BBOX1: variants seen among roughly 807,000 people sequenced by gnomAD.
BBOX1 encodes gamma-butyrobetaine hydroxylase 1, also known as gamma-butyrobetaine dioxygenase.
Under a neutral mutation model 41.6 loss-of-function variants are expected in BBOX1, and 35 were observed. The observed-to-expected ratio is 0.84, with a 90% CI of 0.64 to 1.11. The LOEUF (loss-of-function observed/expected upper bound fraction) is 1.11. Ranked by LOEUF, BBOX1 falls within the 50% of genes most tolerant of loss-of-function variation. The pLI, the probability that BBOX1 is intolerant of heterozygous loss-of-function variation, is 0.00. For synonymous variants in BBOX1, 163 were observed against 154.7 expected, an observed-to-expected ratio of 1.05 and a Z score of -0.40; for missense variants, 458 against 460.6, an observed-to-expected ratio of 0.99 and a Z score of 0.05.
At chr11:27,070,579 T>C (rs1857412703) in intron 4 of BBOX1, among the ~76,000 whole-genome samples, 1 of 152,172 alleles carries the variant, frequency 6.6e-6, no homozygotes, top group African/African-American at 2.4e-5. Flanking sequence ...TAAAAATAGC[T>C]ACTTCTGCTC....
intron 5 of BBOX1, 40 bp from the exon 6 acceptor site, chr11:27,115,412 G>C (rs1265230676): frequency 5.2e-6 from 8 of 1,529,180 alleles, no homozygotes; most frequent in African/African-American, 1.4e-5. Context: ...CTCTGGCTTA[G>C]TGACAACCTG....
intron 6 of BBOX1, 61 bp from the exon 7 acceptor site, chr11:27,119,587 TA>T (rs1187496379): frequency 1.4e-5 from 13 of 930,120 alleles, no homozygotes; most frequent in African/African-American, 1.7e-5. Context: ...TATTGAAGAT[TA>T]ATTCTAATAA....
intron 5 of BBOX1, among the ~76,000 whole-genome samples, chr11:27,112,559 G>T (rs990915473): frequency 8.6e-5 from 13 of 151,948 alleles, no homozygotes; most frequent in Non-Finnish European, 1.8e-4. Context: ...ATGGGGAAAG[G>T]ACTCCTTATT....
intron 2 of BBOX1, among the ~76,000 whole-genome samples, chr11:27,054,041 A>G (rs1326131155): frequency 6.6e-6 from 1 of 152,170 alleles, no homozygotes. Flanking sequence ...GAAGTATTTT[A>G]CTTTCATGTT....
At chr11:27,125,964 A>G in intron 8 of BBOX1, 144 bp downstream of exon 8, 1 of 811,960 alleles carries the variant, frequency 1.2e-6, no homozygotes, top group African/African-American at 1.7e-5. Flanking sequence ...TGACTTGCTT[A>G]TGTAGTGGAC....
intron 4 of BBOX1, among the ~76,000 whole-genome samples, chr11:27,088,811 C>A (rs1419455731): frequency 6.6e-6 from 1 of 152,000 alleles, no homozygotes; most frequent in Non-Finnish European, 1.5e-5. Context: ...CTGTTCCCTT[C>A]TCTATAACAC....
At chr11:27,116,755 G>A (rs1221519634) in intron 6 of BBOX1, among the ~76,000 whole-genome samples, 1 of 151,960 alleles carries the variant, frequency 6.6e-6, no homozygotes, top group African/African-American at 2.4e-5. Context: ...CTCAAGGCCT[G>A]GGCTAGTCAC....
At chr11:27,111,721 T>A (rs1859070774) in intron 5 of BBOX1, among the ~76,000 whole-genome samples, 1 of 152,040 alleles carries the variant, frequency 6.6e-6, no homozygotes, top group Non-Finnish European at 1.5e-5. Flanking sequence ...TTTGGAATGA[T>A]AGGAAACAAA....
At chr11:27,117,531 C>A (rs2134099740) in intron 6 of BBOX1, among the ~76,000 whole-genome samples, 1 of 151,940 alleles carries the variant, frequency 6.6e-6, no homozygotes, top group African/African-American at 2.4e-5. Flanking sequence ...GAGTTAAGAG[C>A]CAAATTAATC....
intron 4 of BBOX1, among the ~76,000 whole-genome samples, chr11:27,081,099 T>G (rs538541856): frequency 3.0e-4 from 45 of 152,288 alleles, no homozygotes; most frequent in African/African-American, 1.1e-3. Flanking sequence ...CCTTCAAACC[T>G]TGAGTTGTTA....
chr11:27,077,343 C>G (rs1857667260), intron 4 of BBOX1, among the ~76,000 whole-genome samples: 2 of 152,082 alleles, frequency 1.3e-5, no homozygotes, highest in Admixed American at 6.5e-5. Context: ...AAGGCCTTTC[C>G]CCATCGGCTG....
intron 4 of BBOX1, among the ~76,000 whole-genome samples, chr11:27,073,319 C>A (rs895864790): frequency 3.3e-5 from 5 of 152,206 alleles, no homozygotes; most frequent in Admixed American, 2.6e-4. Context: ...AAATACTCAT[C>A]ATCACTGGCC....
In BBOX1 at chr11:27,082,246, T is replaced by C. The variant is rs118175135; in HGVS notation, c.335-10922T>C. On this transcript the variant is annotated intron_variant, in intron 4 of 8. Coordinates refer to ENST00000263182, the MANE Select transcript of BBOX1 (RefSeq NM_003986.3). ...AAATATCCAAACTATATCTCTATTC[T>C]GCAATTCTGGAGCACACAGAATTAG... Among the ~76,000 whole-genome samples, 1,380 of 152,230 alleles carry C rather than the reference T, an allele frequency of 9.1e-3. 12 individuals carry two copies. The highest frequency in any genetic ancestry group is 0.015 in the Non-Finnish European group (1,003 of 68,020).
intron 7 of BBOX1, among the ~76,000 whole-genome samples, chr11:27,123,936 ACTT>A (rs1330536289): frequency 6.6e-6 from 1 of 152,122 alleles, no homozygotes. Context: ...CCTTCCTTTT[ACTT>A]CTTTCCCAGT....
At chr11:27,104,348 G>A (rs533970828) in intron 5 of BBOX1, among the ~76,000 whole-genome samples, 5 of 152,200 alleles carry the variant, frequency 3.3e-5, no homozygotes, top group African/African-American at 1.2e-4. Flanking sequence ...TATCATATAG[G>A]TCTTCTGGCT....
At chr11:27,083,822 A>G (rs1328123646) in intron 4 of BBOX1, among the ~76,000 whole-genome samples, 1 of 152,158 alleles carries the variant, frequency 6.6e-6, no homozygotes, top group Admixed American at 6.6e-5. Flanking sequence ...ATTTCAACAA[A>G]TGTGTTGTAT....
At chr11:27,105,954 A>C (rs1858850635) in intron 5 of BBOX1, among the ~76,000 whole-genome samples, 1 of 152,194 alleles carries the variant, frequency 6.6e-6, no homozygotes, top group Non-Finnish European at 1.5e-5. Flanking sequence ...CTTAAAGAAA[A>C]GAATTTTCAA....
intron 4 of BBOX1, chr11:27,066,682 A>G (rs1469246627): frequency 7.3e-6 from 1 of 136,144 alleles, no homozygotes; most frequent in African/African-American, 3.7e-5. Flanking sequence ...AAAAAAAAAA[A>G]AAAAAAGAAA....
intron 4 of BBOX1, among the ~76,000 whole-genome samples, chr11:27,079,920 A>T (rs996080): frequency 0.9 from 137,259 of 152,130 alleles, 62,082 homozygotes; most frequent in East Asian, 0.94. Flanking sequence ...ATCAAAATAA[A>T]TCAGAATCCA....
Sources: allele counts gnomAD v4.1 joint callset (sites outside exome capture counted in the v4.1 genomes callset), GRCh38; gene constraint gnomAD v4.1.1; transcripts MANE v1.5; gene names NCBI Gene and HGNC (gene_info 2026-07-23, HGNC 2026-07-21).